COL6A3: variants seen among roughly 807,000 people sequenced by gnomAD.
COL6A3 encodes the protein collagen type VI alpha 3 chain, also known as collagen alpha-3(VI) chain.
COL6A3 carries 137 observed loss-of-function variants against 274.1 expected under a neutral mutation model. The observed-to-expected ratio is 0.50, with a 90% CI of 0.44 to 0.58. The LOEUF (loss-of-function observed/expected upper bound fraction) is 0.58. Ranked by LOEUF, COL6A3 falls within the 20% of genes least tolerant of loss-of-function variation. The probability of loss-of-function intolerance (pLI) is 0.00; values close to 1 mark genes in which losing one functional copy is unlikely to be tolerated. For synonymous variants in COL6A3, 1,650 were observed against 1,650.6 expected, an observed-to-expected ratio of 1.00 and a Z score of 0.01; for missense variants, 3,950 against 4,124.9, an observed-to-expected ratio of 0.96 and a Z score of 1.16.
chr2:237,410,222 C>T (rs2078820937), intron 1 of COL6A3, among the ~76,000 whole-genome samples: 1 of 152,070 alleles, frequency 6.6e-6, no homozygotes, highest in Non-Finnish European at 1.5e-5. Flanking sequence ...AGAGATACAC[C>T]TCCCTCTAGA....
At chr2:237,355,352 A>C in intron 23 of COL6A3, 1 of 166,706 alleles carries the variant, frequency 6.0e-6, no homozygotes, top group East Asian at 1.7e-4. Flanking sequence ...ATTAATTATA[A>C]TGGAAGGGAG....
intron 36 of COL6A3, chr2:237,343,234 C>A (rs186201076): frequency 1.3e-5 from 2 of 151,754 alleles, no homozygotes; most frequent in African/African-American, 2.4e-5. Context: ...CGGTGGCTTA[C>A]GCCTGTAACC....
At position 237,374,669 on chromosome 2, in the gene COL6A3, G is replaced by T; in HGVS notation, c.3422C>A (p.Ala1141Asp). 1 of 1,613,940 alleles carries T rather than the reference G, an allele frequency of 6.2e-7. No homozygotes were observed. The highest frequency in any genetic ancestry group is 2.2e-5 in the East Asian group (1 of 44,830). The part of the protein sequence containing the change: ...GVPQLLIVLT[A>D]DRSGDDVRNP... Reference sequence around the variant, plus strand: ...CCGCACATCATCCCCAGACCTGTCGGCCGTGAGGACGATCAGCAGCTGGGG... The same window carrying T: ...CCGCACATCATCCCCAGACCTGTCGTCCGTGAGGACGATCAGCAGCTGGGG... The change falls in exon 8 of 44, where the codon GCC (alanine) becomes GAC (aspartate). Residue 1141 changes from alanine to aspartate, a missense_variant. Physicochemically the swap from Ala to Asp is moderately radical, Grantham distance 126 (BLOSUM62 -2). Transcript: ENST00000295550. This position sits in a 1 kb window ranked among gnomAD's most constrained non-coding sequence, Gnocchi z 4.8.
At position 237,372,103 on chromosome 2, in the gene COL6A3, T is replaced by A. The variant is rs750288655; in HGVS notation, c.3914A>T (p.Lys1305Met). The change falls in exon 9 of 44, where the codon AAG becomes ATG. Residue 1305 changes from lysine to methionine, a missense_variant. By Grantham distance (95) the Lys-to-Met change is moderately conservative. Transcript: ENST00000295550. ...GCCCACGTTGATCTGCCGCCCTCCC[T>A]TGGGCCTCAGCCGCTGCACCGCGTT... ...VQNAVQRLRP[K>M]GGRQINVGNA... The A allele has an allele frequency of 1.2e-6, 2 of 1,614,088 alleles. No homozygotes were observed. The highest frequency in any genetic ancestry group is 3.3e-5 in the Admixed American group (2 of 60,032).
intron 14 of COL6A3, 129 bp downstream of exon 14, chr2:237,363,124 A>C (rs1252448747): frequency 2.1e-6 from 2 of 941,074 alleles, no homozygotes; most frequent in East Asian, 2.4e-5. Flanking sequence ...GAATTAAATA[A>C]ATTTAACTAT....
rs1388135232 is a variant in COL6A3, at chr2:237,367,229, T to C, written c.4958A>G (p.Asp1653Gly). ...LLDGSINFRR[D>G]SFQEVLRFVS... The stretch of plus-strand genomic sequence containing the variant: ...AAAACGAAGCACTTCCTGGAAACTG[T>C]CCCTCCTGAAGTTGATGGAACCATC... Residue 1653 changes from aspartate to glycine, a missense_variant, in exon 11 of 44, where the codon GAC (aspartate) becomes GGC (glycine). Asp to Gly is a moderately conservative substitution (Grantham distance 94). Around this residue, in one of 5 missense-constraint regions of COL6A3, gnomAD observed 632 missense variants for 623.4 expected, o/e 1.01. Coordinates refer to ENST00000295550, the MANE Select transcript of COL6A3 (RefSeq NM_004369.4). 1 of 1,613,868 alleles carries C rather than the reference T, an allele frequency of 6.2e-7. No homozygotes were observed. The highest frequency in any genetic ancestry group is 1.7e-5 in the Admixed American group (1 of 59,994).
chr2:237,395,047 G>A lies in COL6A3; in HGVS notation c.249C>T (p.Phe83=), dbSNP rs758434537. 6.8e-6 allele frequency: 11 copies of A among 1,614,010 alleles called. No individual in the cohort carries two copies. The African/African-American group carries it at 1.5e-4, about 22-fold the overall frequency. ...ENDFHFALVQ[F]NGNPHTEFLL... ...GGAACTCGGTATGTGGGTTTCCGTTGAACTGGACCAGAGCAAAATGGAAAT... is the reference window on the plus strand; with the variant it reads ...GGAACTCGGTATGTGGGTTTCCGTTAAACTGGACCAGAGCAAAATGGAAAT... The change falls in exon 3 of 44, where the codon TTC becomes TTT. Residue 83 remains phenylalanine, a synonymous_variant. Coordinates refer to ENST00000295550, the MANE Select transcript of COL6A3 (RefSeq NM_004369.4).
chr2:237,365,636 T>G, intron 12 of COL6A3, 62 bp downstream of exon 12: 2 of 1,435,792 alleles, frequency 1.4e-6, no homozygotes, highest in Non-Finnish European at 2.0e-6. Context: ...AAGGGCTTCC[T>G]CCTTTCCAGT....
intron 1 of COL6A3, among the ~76,000 whole-genome samples, chr2:237,408,828 T>G (rs1262405412): frequency 6.6e-6 from 1 of 152,196 alleles, no homozygotes; most frequent in Non-Finnish European, 1.5e-5. Context: ...GACTAACAAT[T>G]TGCCTTTGGG....
intron 28 of COL6A3, 41 bp downstream of exon 28, chr2:237,350,106 G>A: frequency 6.3e-7 from 1 of 1,598,248 alleles, no homozygotes. Context: ...TTCCAGCAAA[G>A]AGTCAGCGAC....
chr2:237,402,437 T>G (rs1219835927), intron 1 of COL6A3, among the ~76,000 whole-genome samples: 3 of 152,120 alleles, frequency 2.0e-5, no homozygotes, highest in African/African-American at 4.8e-5. Flanking sequence ...TTGCCAGGTT[T>G]TAAAAGCATG....
At chr2:237,360,401 C>T (rs2077408946) in intron 16 of COL6A3, among the ~76,000 whole-genome samples, 1 of 152,108 alleles carries the variant, frequency 6.6e-6, no homozygotes, top group South Asian at 2.1e-4. Context: ...GCGCAGACAG[C>T]ACTGCCCTGT....
chr2:237,371,470 A>C lies in COL6A3; in HGVS notation c.4285+262T>G. 5.4e-6 allele frequency: 3 copies of C among 560,190 alleles called. No individual in the cohort carries two copies. The highest frequency in any genetic ancestry group is 4.8e-5 in the South Asian group (1 of 20,974). The allele number at this position is 560,190 out of a possible 1,614,324, so 34.7% of individuals were successfully genotyped here. ...AAAATTAGCCGGGCGTGGTGGTATG[A>C]ACCTGTAGTCCTAGCTACTGAGGAG... On this transcript the variant is annotated intron_variant, in intron 9 of 43. Transcript: ENST00000295550. The surrounding 1 kb of genome is among the most constrained non-coding windows in gnomAD (Gnocchi z 4.3).
At chr2:237,383,565 A>G (rs2078066464) in intron 4 of COL6A3, among the ~76,000 whole-genome samples, 1 of 152,170 alleles carries the variant, frequency 6.6e-6, no homozygotes, top group Non-Finnish European at 1.5e-5. Context: ...GTATATAGAC[A>G]CATATAAATT....
intron 18 of COL6A3, 40 bp from the exon 19 acceptor site, chr2:237,359,290 A>G: frequency 1.2e-6 from 2 of 1,614,112 alleles, no homozygotes; most frequent in Non-Finnish European, 1.7e-6. Context: ...ATAGAAAGCT[A>G]TTCTGGCAAA....
At chr2:237,362,049 T>A (rs1395413136) in intron 14 of COL6A3, among the ~76,000 whole-genome samples, 1 of 151,844 alleles carries the variant, frequency 6.6e-6, no homozygotes, top group Non-Finnish European at 1.5e-5. Context: ...AGATGGGAGG[T>A]CACCAATAGG....
intron 1 of COL6A3, among the ~76,000 whole-genome samples, chr2:237,405,807 A>G (rs746740444): frequency 7.2e-5 from 11 of 152,120 alleles, no homozygotes; most frequent in Non-Finnish European, 1.5e-4. Context: ...CCTTTTGGGG[A>G]AAAAATAGAC....
chr2:237,377,281 A>G lies in COL6A3; in HGVS notation c.2561T>C (p.Val854Ala), dbSNP rs747449879. ...AATCTTGTAGAGAAAGTCACGGACAACAGGGAACTGGCCCACAAGATTGGC... is the reference window on the plus strand; with the variant it reads ...AATCTTGTAGAGAAAGTCACGGACAGCAGGGAACTGGCCCACAAGATTGGC... ...GSANLVGQFP[V>A]VRDFLYKIID... The change falls in exon 7 of 44, where the codon GTT becomes GCT. Residue 854 changes from valine to alanine, a missense_variant. Transcript: ENST00000295550. The G allele has an allele frequency of 2.5e-5, 40 of 1,605,016 alleles. 1 individual carries two copies. The Middle Eastern group carries it at 4.9e-4, about 20-fold the overall frequency.
intron 6 of COL6A3, among the ~76,000 whole-genome samples, chr2:237,377,943 C>G (rs1259775596): frequency 2.0e-5 from 3 of 152,256 alleles, no homozygotes; most frequent in Admixed American, 6.5e-5. Flanking sequence ...ATAGGAAACA[C>G]AGATGACAGG....
Sources: gnomAD v4.1 joint callset for allele counts (sites outside exome capture counted in the v4.1 genomes callset) on GRCh38, gnomAD v4.1.1 for gene constraint, gnomAD v4.1.1 regional missense constraint, Gnocchi (gnomAD v3.1) non-coding constraint, MANE v1.5 for transcripts, NCBI Gene and HGNC (gene_info 2026-07-23, HGNC 2026-07-21) for gene names.